ADAM12: variants seen among roughly 807,000 people sequenced by gnomAD.
The protein encoded by ADAM12 is disintegrin and metalloproteinase domain-containing protein 12.
ADAM12 carries 70 observed loss-of-function variants against 106.4 expected under a neutral mutation model. The observed-to-expected ratio is 0.66, with a 90% confidence interval of 0.54 to 0.80. ADAM12 has a LOEUF of 0.80. Among genes scored for constraint, ADAM12 ranks in the 30% least tolerant of loss-of-function variants. ADAM12 has a pLI of 0.00. For synonymous variants in ADAM12, 420 were observed against 433.5 expected (o/e 0.97, Z 0.39); for missense variants, 1,010 against 1,171.9 (o/e 0.86, Z 2.02).
chr10:126,345,776 A>G (rs1855116426), intron 1 of ADAM12, among the ~76,000 whole-genome samples: 2 of 152,128 alleles, frequency 1.3e-5, no homozygotes, highest in Admixed American at 1.3e-4. Context: ...TGAGGAATTT[A>G]TCCATTTCTT....
intron 4 of ADAM12, among the ~76,000 whole-genome samples, chr10:126,147,245 T>C (rs1480347749): frequency 6.6e-6 from 1 of 152,070 alleles, no homozygotes; most frequent in East Asian, 1.9e-4. Context: ...GGGAGACATG[T>C]TTCCTTCCTT....
chr10:126,061,076 C>T (rs1250843113), intron 14 of ADAM12, among the ~76,000 whole-genome samples: 12 of 152,244 alleles, frequency 7.9e-5, no homozygotes. Flanking sequence ...TGGCAAACCA[C>T]TATTCCACGG....
chr10:126,073,980 A>AAAAG (rs1043794121), intron 11 of ADAM12, among the ~76,000 whole-genome samples: 2 of 152,138 alleles, frequency 1.3e-5, no homozygotes, highest in Non-Finnish European at 2.9e-5. Flanking sequence ...TCTCTTTGCA[A>AAAAG]AAAGAAAGAA....
At chr10:126,167,458 G>A (rs1396868263) in intron 3 of ADAM12, among the ~76,000 whole-genome samples, 1 of 152,194 alleles carries the variant, frequency 6.6e-6, no homozygotes, top group African/African-American at 2.4e-5. Flanking sequence ...TGAGTTGGGT[G>A]AATCTATTTC....
At chr10:126,159,652 G>C (rs1439167209) in intron 3 of ADAM12, among the ~76,000 whole-genome samples, 1 of 152,186 alleles carries the variant, frequency 6.6e-6, no homozygotes, top group Non-Finnish European at 1.5e-5. Context: ...TTTTACGTAT[G>C]AGGGAGAGAA....
At chr10:126,143,570 T>G (rs1956565157) in intron 4 of ADAM12, among the ~76,000 whole-genome samples, 1 of 99,254 alleles carries the variant, frequency 1.0e-5, no homozygotes, top group Non-Finnish European at 1.8e-5. Flanking sequence ...TGTGGGCACA[T>G]GTGTATATTT....
At chr10:126,068,848 G>A (rs1029820114) in intron 12 of ADAM12, among the ~76,000 whole-genome samples, 1 of 152,210 alleles carries the variant, frequency 6.6e-6, no homozygotes, top group African/African-American at 2.4e-5. Context: ...AGCCCTAATT[G>A]TCATTCTCAG....
In ADAM12 at chr10:126,066,942, G is replaced by A. The variant is rs1317290347; in HGVS notation, c.1324-136C>T. 2.6e-5 allele frequency: 20 copies of A among 777,368 alleles called. No homozygotes were observed. The highest frequency in any genetic ancestry group is 4.0e-5 in the Non-Finnish European group (19 of 471,502). The allele number at this position is 777,368 out of a possible 1,614,324, so 48.2% of individuals were successfully genotyped here. A position where few individuals can be genotyped will look rare whatever the true frequency, so the allele number is the denominator to read the frequency against. On this transcript the variant is annotated intron_variant, in intron 12 of 22. Transcript: ENST00000448723. This position sits in a 1 kb window ranked among gnomAD's most constrained non-coding sequence, Gnocchi z 5.1. ...CAGCTCCTGAACTGCACACCTGCCT[G>A]TTTCCGTCTGTTAGGAAAGCAAAGC...
intron 18 of ADAM12, 148 bp from the exon 19 acceptor site, chr10:126,039,577 T>C (rs1565002887): frequency 1.1e-6 from 1 of 934,870 alleles, no homozygotes; most frequent in South Asian, 1.7e-5. Flanking sequence ...TAAACTGTCT[T>C]ACTTCAGATG....
chr10:126,186,789 CAGA>C, intron 3 of ADAM12, among the ~76,000 whole-genome samples: 1 of 152,308 alleles, frequency 6.6e-6, no homozygotes, highest in Non-Finnish European at 1.5e-5. Flanking sequence ...CGCGGATGGA[CAGA>C]AGATGACTTT....
At position 126,262,624 on chromosome 10, in the gene ADAM12, C is replaced by T. The variant is rs919144269; in HGVS notation, c.260+16291G>A. ...ATAAAAGAATGTGGAAAAATGAACACTAAAATAAACACCCATGTCCTCATC... is the reference window on the plus strand; with the variant it reads ...ATAAAAGAATGTGGAAAAATGAACATTAAAATAAACACCCATGTCCTCATC... On this transcript the variant is annotated intron_variant, in intron 3 of 22. Transcript: ENST00000448723. 9.2e-5 allele frequency among the ~76,000 whole-genome samples: 14 copies of T among 152,284 alleles called. No individual in the cohort carries two copies. In the South Asian group the frequency reaches 1.0e-3, roughly 11 times the overall value.
rs568386910 is a variant in ADAM12 at position 126,161,452 on chromosome 10, C to A, written c.261-6147G>T. On this transcript the variant is annotated intron_variant, in intron 3 of 22. Coordinates refer to ENST00000448723, the MANE Select transcript of ADAM12 (RefSeq NM_001288973.2). ...TTAACCACTGTGTGGCGCTACCAGA[C>A]CTTACAGGATGGTCAAGCAATATTG... 9.1e-4 allele frequency among the ~76,000 whole-genome samples: 139 copies of A among 152,306 alleles called. 1 individual carries two copies. The highest frequency in any genetic ancestry group is 3.1e-3 in the African/African-American group (127 of 41,564).
intron 1 of ADAM12, among the ~76,000 whole-genome samples, chr10:126,346,756 G>T (rs1855155652): frequency 6.6e-6 from 1 of 152,164 alleles, no homozygotes; most frequent in South Asian, 2.1e-4. Flanking sequence ...TTGTTGAATT[G>T]ATCCCTTTAC....
chr10:126,193,975 C>T lies in ADAM12; in HGVS notation c.261-38670G>A, dbSNP rs1173601413. On this transcript the variant is annotated intron_variant, in intron 3 of 22. Coordinates refer to ENST00000448723, the MANE Select transcript of ADAM12 (RefSeq NM_001288973.2). ...GTGAGAGAGGCCTGATATGAGAAACCAAAGTTGAGGGGTTGATTTGGAAAC... is the reference window on the plus strand; with the variant it reads ...GTGAGAGAGGCCTGATATGAGAAACTAAAGTTGAGGGGTTGATTTGGAAAC... 3.4e-5 allele frequency among the ~76,000 whole-genome samples: 5 copies of T among 147,562 alleles called. No individual in the cohort carries two copies. In the East Asian group the frequency reaches 9.7e-4, roughly 29 times the overall value.
intron 2 of ADAM12, among the ~76,000 whole-genome samples, chr10:126,292,806 ATG>A (rs1960213713): frequency 3.3e-5 from 5 of 152,342 alleles, no homozygotes; most frequent in Admixed American, 3.3e-4. Flanking sequence ...CCATCATTTT[ATG>A]TGTTACGAAA....
chr10:126,051,654 C>CA lies in ADAM12; in HGVS notation c.1610-1986_1610-1985insT, dbSNP rs1439449494. On this transcript the variant is annotated intron_variant, in intron 14 of 22. Transcript: ENST00000448723. ...CCGTCCATCCATCCAGCCAGCCAGC[C>CA]GGCCACCCATCCATCCAGCCAGCCA... Among the ~76,000 whole-genome samples the CA allele has an allele frequency of 2.0e-3, 302 of 151,204 alleles. 3 individuals carry two copies. The highest frequency in any genetic ancestry group is 7.1e-3 in the African/African-American group (293 of 41,092).
At chr10:126,387,895 G>GGT (rs1234336540) in intron 1 of ADAM12, among the ~76,000 whole-genome samples, 163 bp downstream of exon 1, 1 of 74,756 alleles carries the variant, frequency 1.3e-5, no homozygotes, top group East Asian at 2.8e-4. Flanking sequence ...CACCTGGGGG[G>GGT]GGGGGGTCGG....
Position 126,071,636 on chromosome 10 carries a change from C to T in ADAM12, c.1164G>A (p.Val388=). ...NASTGYPFPM[V]FSSCSRKDLE... ...AGTCCTTCCTGCTGCAACTGCTGAACACCATGGGAAATGGGTACCTGAGAA... is the reference window on the plus strand; with the variant it reads ...AGTCCTTCCTGCTGCAACTGCTGAATACCATGGGAAATGGGTACCTGAGAA... The change falls in exon 12 of 23, where the codon GTG becomes GTA. Residue 388 remains valine, a synonymous_variant. Transcript: ENST00000448723. 1 of 1,614,126 alleles carries T rather than the reference C, an allele frequency of 6.2e-7. No individual in the cohort carries two copies. The highest frequency in any genetic ancestry group is 2.2e-5 in the East Asian group (1 of 44,880).
intron 2 of ADAM12, among the ~76,000 whole-genome samples, chr10:126,284,973 A>G (rs137860177): frequency 1.3e-5 from 2 of 152,322 alleles, no homozygotes; most frequent in Non-Finnish European, 2.9e-5. Flanking sequence ...TGGAAAAGGT[A>G]GGTAGGGTTA....
Sources: allele counts gnomAD v4.1 joint callset (sites outside exome capture counted in the v4.1 genomes callset), GRCh38; gene constraint gnomAD v4.1.1; non-coding constraint Gnocchi (gnomAD v3.1); transcripts MANE v1.5; gene names NCBI Gene and HGNC (gene_info 2026-07-23, HGNC 2026-07-21).